MACF1: variants seen among roughly 807,000 people sequenced by gnomAD.
MACF1 encodes the protein microtubule-actin cross-linking factor 1.
Under a neutral mutation model 854.8 loss-of-function variants are expected in MACF1, and 193 were observed. The ratio of observed to expected loss-of-function variants is 0.23; its 90% CI spans 0.20 to 0.25. The LOEUF is 0.25. Among genes scored for constraint, MACF1 ranks in the 10% least tolerant of loss-of-function variants. The pLI, the probability that MACF1 is intolerant of heterozygous loss-of-function variation, is 1.00. For synonymous variants in MACF1, 3,185 were observed against 3,226.7 expected, an observed-to-expected ratio of 0.99 and a Z score of 0.44; for missense variants, 7,722 against 8,929.1, an observed-to-expected ratio of 0.86 and a Z score of 5.45.
chr1:39,215,618 A>G (rs1369444402), intron 1 of MACF1, among the ~76,000 whole-genome samples: 1 of 152,174 alleles, frequency 6.6e-6, no homozygotes, highest in Non-Finnish European at 1.5e-5. Flanking sequence ...TTAAGCTTGC[A>G]GTAACTGGCA....
At chr1:39,141,886 A>C (rs935116509) in intron 2 of MACF1, among the ~76,000 whole-genome samples, 1 of 152,174 alleles carries the variant, frequency 6.6e-6, no homozygotes, top group Non-Finnish European at 1.5e-5. Flanking sequence ...CAGAATTTAG[A>C]AAGGTTGGAA....
chr1:39,458,603 T>G (rs960902344), intron 90 of MACF1, 113 bp downstream of exon 90: 41 of 1,360,228 alleles, frequency 3.0e-5, no homozygotes, highest in Non-Finnish European at 4.0e-5. Flanking sequence ...CCGTGTTGGT[T>G]TTGAACCAAA....
chr1:39,239,165 C>A (rs1644892755), intron 2 of MACF1, among the ~76,000 whole-genome samples: 1 of 152,314 alleles, frequency 6.6e-6, no homozygotes, highest in South Asian at 2.1e-4. Context: ...CCTATAATCC[C>A]AGCTATTTGG....
chr1:39,344,681 A>G (rs140403478), intron 40 of MACF1, among the ~76,000 whole-genome samples: 121 of 152,270 alleles, frequency 7.9e-4, no homozygotes, highest in African/African-American at 2.6e-3. Context: ...CTAAAGTTGT[A>G]TACATGCTCA....
intron 20 of MACF1, 30 bp downstream of exon 20, chr1:39,295,912 G>A: frequency 6.3e-7 from 1 of 1,577,314 alleles, no homozygotes; most frequent in Non-Finnish European, 8.7e-7. Context: ...TTGTGTGTGT[G>A]TGTACATATG....
rs1231682227 is a variant in MACF1 at position 39,380,274 on chromosome 1, C to G, written c.13549C>G (p.Pro4517Ala). ...AFLAELEQNS[P>A]KIQKVKEALA... ...CCTGGCTGAGTTGGAACAGAATTCT[C>G]CAAAAATTCAAAAAGTAAAGGAAGC... Residue 4517 changes from proline to alanine, a missense_variant, in exon 55 of 101, where the codon CCA (proline) becomes GCA (alanine). Physicochemically the swap from Pro to Ala is conservative, Grantham distance 27 (BLOSUM62 -1). Transcript: ENST00000564288. 3 of 1,613,468 alleles carry G rather than the reference C, an allele frequency of 1.9e-6. No homozygotes were observed. The African/African-American group carries it at 4.0e-5, about 22-fold the overall frequency.
At chr1:39,464,959 A>T (rs1644633596) in intron 94 of MACF1, 136 bp from the exon 95 acceptor site, 1 of 793,144 alleles carries the variant, frequency 1.3e-6, no homozygotes. Context: ...GGAGCTTGGT[A>T]AGAATATGTT....
At chr1:39,269,562 A>C (rs750831838) in intron 6 of MACF1, 12 of 1,289,732 alleles carry the variant, frequency 9.3e-6, no homozygotes, top group Non-Finnish European at 1.2e-5. Context: ...GACTGTGAGC[A>C]TTTTGCCCTC....
chr1:39,341,136 C>G (rs888440404), intron 40 of MACF1, among the ~76,000 whole-genome samples, 183 bp downstream of exon 40: 1 of 151,212 alleles, frequency 6.6e-6, no homozygotes, highest in Non-Finnish European at 1.5e-5. Context: ...TGGGTTCAAG[C>G]GATTCTCCTG....
chr1:39,464,706 G>A lies in MACF1; in HGVS notation c.21754-389G>A, dbSNP rs192451763. On this transcript the variant is annotated intron_variant, in intron 94 of 100. Transcript: ENST00000564288. The stretch of plus-strand genomic sequence containing the variant: ...GAGCGAGCGGATCACTTGAGGTCAG[G>A]AATTCGAGACCAACCTGGCCAACAT... 1,315 of 205,380 alleles carry A rather than the reference G, an allele frequency of 6.4e-3. 2 individuals are homozygous for A. The highest frequency in any genetic ancestry group is 8.6e-3 in the Non-Finnish European group (867 of 100,422). The allele number at this position is 205,380 out of a possible 1,614,324, so 12.7% of individuals were successfully genotyped here. A position where few individuals can be genotyped will look rare whatever the true frequency, so the allele number is the denominator to read the frequency against.
At chr1:39,439,153 C>T in intron 71 of MACF1, 121 bp from the exon 72 acceptor site, 1 of 555,024 alleles carries the variant, frequency 1.8e-6, no homozygotes. Flanking sequence ...GTTATAAATG[C>T]TTAGCATTTT....
intron 58 of MACF1, among the ~76,000 whole-genome samples, chr1:39,389,451 C>T (rs895626552): frequency 6.7e-6 from 1 of 149,272 alleles, no homozygotes; most frequent in African/African-American, 2.5e-5. Context: ...CCTCCACCTC[C>T]GGGGTCCAAG....
intron 58 of MACF1, among the ~76,000 whole-genome samples, chr1:39,391,075 C>T (rs1220026191): frequency 1.3e-5 from 2 of 151,008 alleles, no homozygotes; most frequent in Non-Finnish European, 2.9e-5. Flanking sequence ...GGCGCCACTG[C>T]ACTCCAGCCT....
intron 6 of MACF1, 70 bp from the exon 7 acceptor site, chr1:39,282,138 A>G (rs1003607586): frequency 6.5e-7 from 1 of 1,529,442 alleles, no homozygotes; most frequent in East Asian, 2.3e-5. Flanking sequence ...GCCATAATGT[A>G]TGGAGAAGAG....
At chr1:39,411,881 A>G in intron 58 of MACF1, 1 of 1,613,958 alleles carries the variant, frequency 6.2e-7, no homozygotes, top group Non-Finnish European at 8.5e-7. Context: ...GATTGTGGAT[A>G]TTTTAATACC....
In MACF1 at chr1:39,380,452, A is replaced by G. The variant is rs908543183; in HGVS notation, c.13648+79A>G. ...AGTAGAGAATTTCAGCACATCCTAT[A>G]AAACAGGAATTATTTTTAGTTAATT... On this transcript the variant is annotated intron_variant, in intron 55 of 100. Coordinates refer to ENST00000564288, the MANE Select transcript of MACF1 (RefSeq NM_001394062.1). The G allele has an allele frequency of 7.2e-6, 10 of 1,385,598 alleles. No homozygotes were observed. The Admixed American group carries it at 1.3e-4, about 18-fold the overall frequency. 85.8% of individuals were successfully genotyped at this position (1,385,598 alleles called of 1,614,324 possible).
At chr1:39,236,235 C>G (rs556663977) in intron 2 of MACF1, among the ~76,000 whole-genome samples, 56 of 152,142 alleles carry the variant, frequency 3.7e-4, no homozygotes, top group Non-Finnish European at 5.9e-4. Flanking sequence ...GTCTAGAAAC[C>G]GTGCTCTTAA....
intron 2 of MACF1, among the ~76,000 whole-genome samples, chr1:39,190,661 C>A (rs1455608797): frequency 1.3e-5 from 2 of 151,878 alleles, no homozygotes. Flanking sequence ...CTCTTTCTCT[C>A]TCTTTTTGAT....
chr1:39,450,270 C>T (rs1221430979), intron 84 of MACF1, among the ~76,000 whole-genome samples: 2 of 151,390 alleles, frequency 1.3e-5, no homozygotes, highest in Admixed American at 1.3e-4. Context: ...GCTGGGATTG[C>T]AAGTGTGAGC....
Sources: gnomAD v4.1 joint callset for allele counts (sites outside exome capture counted in the v4.1 genomes callset) on GRCh38, gnomAD v4.1.1 for gene constraint, MANE v1.5 for transcripts, NCBI Gene and HGNC (gene_info 2026-07-23, HGNC 2026-07-21) for gene names.